TTC7B: variants seen among roughly 807,000 people sequenced by gnomAD.
The protein encoded by TTC7B is tetratricopeptide repeat protein 7B.
In TTC7B, 28 loss-of-function variants were observed where a neutral mutation model predicts 106.8. That is an observed-to-expected ratio of 0.26 (90% CI 0.19 to 0.36). The LOEUF is 0.36. Ranked by LOEUF, TTC7B falls within the 10% of genes least tolerant of loss-of-function variation. The pLI, the probability that TTC7B is intolerant of heterozygous loss-of-function variation, is 1.00. For synonymous variants in TTC7B, 405 were observed against 430.6 expected (o/e 0.94, Z 0.74); for missense variants, 862 against 1,076.4 (o/e 0.80, Z 2.79).
chr14:90,560,400 G>A (rs1409246287), intron 19 of TTC7B, among the ~76,000 whole-genome samples: 4 of 152,220 alleles, frequency 2.6e-5, no homozygotes, highest in Admixed American at 2.6e-4. Flanking sequence ...CACTAGAGCA[G>A]AGACAACACA....
intron 4 of TTC7B, among the ~76,000 whole-genome samples, chr14:90,737,847 G>C (rs1003340518): frequency 6.6e-6 from 1 of 152,154 alleles, no homozygotes; most frequent in Non-Finnish European, 1.5e-5. Flanking sequence ...GTGAGCCACT[G>C]CACCCAATGT....
chr14:90,808,237 G>C lies in TTC7B; in HGVS notation c.121+7938C>G, dbSNP rs193264173. 3.9e-5 allele frequency among the ~76,000 whole-genome samples: 6 copies of C among 152,314 alleles called. No individual in the cohort carries two copies. The highest frequency in any genetic ancestry group is 1.4e-4 in the African/African-American group (6 of 41,570). On this transcript the variant is annotated intron_variant, in intron 1 of 19. Transcript: ENST00000328459. The surrounding 1 kb of genome is among the most constrained non-coding windows in gnomAD (Gnocchi z 4.2). The stretch of plus-strand genomic sequence containing the variant: ...GAGGGAAGAAGATCACTTGAGCCCA[G>C]GAGTTCGAGACCAGAGTGGGCAACA...
At chr14:90,677,591 AGTCTGCAGATCCATCT>A (rs1886889660) in intron 8 of TTC7B, among the ~76,000 whole-genome samples, 1 of 152,200 alleles carries the variant, frequency 6.6e-6, no homozygotes, top group Non-Finnish European at 1.5e-5. Context: ...AATTAACAGA[AGTCTGCAGATCCATCT>A]GTCTGTAGGA....
At chr14:90,673,413 A>G (rs532683701) in intron 9 of TTC7B, among the ~76,000 whole-genome samples, 4 of 152,304 alleles carry the variant, frequency 2.6e-5, no homozygotes, top group African/African-American at 9.6e-5. Context: ...TATGGGCGGA[A>G]AGGAAAACAA....
intron 5 of TTC7B, among the ~76,000 whole-genome samples, chr14:90,702,596 G>T (rs1888038205): frequency 6.6e-6 from 1 of 151,898 alleles, no homozygotes. Flanking sequence ...ATGAAAATCT[G>T]CTTTACTTCT....
intron 5 of TTC7B, among the ~76,000 whole-genome samples, chr14:90,709,231 G>A (rs1888334613): frequency 1.3e-5 from 2 of 150,716 alleles, no homozygotes; most frequent in African/African-American, 4.9e-5. Flanking sequence ...AAAGACACAT[G>A]CACACGTATG....
intron 18 of TTC7B, among the ~76,000 whole-genome samples, chr14:90,591,635 GT>G (rs1204613645): frequency 2.6e-5 from 4 of 152,214 alleles, no homozygotes; most frequent in Admixed American, 6.5e-5. Context: ...CCCTTCTAGT[GT>G]TTTAGACTCC....
At chr14:90,798,044 G>A (rs569806943) in intron 1 of TTC7B, among the ~76,000 whole-genome samples, 16 of 152,274 alleles carry the variant, frequency 1.1e-4, no homozygotes, top group South Asian at 2.1e-4. Flanking sequence ...CAGTGGAAAT[G>A]TTAATGCACG....
intron 15 of TTC7B, among the ~76,000 whole-genome samples, chr14:90,638,625 A>G (rs1337389530): frequency 6.6e-6 from 1 of 152,252 alleles, no homozygotes; most frequent in Non-Finnish European, 1.5e-5. Flanking sequence ...ATGGCTATGG[A>G]TTAGAAAACC....
intron 4 of TTC7B, among the ~76,000 whole-genome samples, chr14:90,736,771 T>C (rs1252961646): frequency 4.0e-5 from 6 of 150,668 alleles, no homozygotes; most frequent in Non-Finnish European, 7.4e-5. Context: ...TAGTCCCAGC[T>C]AACTGGGAGG....
chr14:90,596,911 G>A (rs1406957860), intron 17 of TTC7B, among the ~76,000 whole-genome samples: 1 of 152,132 alleles, frequency 6.6e-6, no homozygotes, highest in Non-Finnish European at 1.5e-5. Flanking sequence ...CTGGATGCAC[G>A]TGTGCTCTAC....
chr14:90,748,769 GTTA>G (rs931190904), intron 3 of TTC7B, among the ~76,000 whole-genome samples: 2 of 152,010 alleles, frequency 1.3e-5, no homozygotes, highest in Admixed American at 6.6e-5. Context: ...ACCCTATGTG[GTTA>G]TTATTTTTGT....
chr14:90,663,392 A>G lies in TTC7B; in HGVS notation c.1153-5005T>C, dbSNP rs1313867286. On this transcript the variant is annotated intron_variant, in intron 9 of 19. Coordinates refer to ENST00000328459, the MANE Select transcript of TTC7B (RefSeq NM_001010854.2). This position sits in a 1 kb window ranked among gnomAD's most constrained non-coding sequence, Gnocchi z 4.5. The stretch of plus-strand genomic sequence containing the variant: ...TGCAGAAAGCAAAGGACAACTAAAT[A>G]AAAGGCCCCTAAAAAGGCCACATGC... 2.6e-5 allele frequency among the ~76,000 whole-genome samples: 4 copies of G among 152,220 alleles called. No homozygotes were observed. Among genetic ancestry groups the G allele is most frequent in the Admixed American group, 6.5e-5 (1 of 15,276 alleles).
intron 9 of TTC7B, among the ~76,000 whole-genome samples, chr14:90,671,903 C>A (rs1345238936): frequency 6.6e-6 from 1 of 152,224 alleles, no homozygotes; most frequent in Admixed American, 6.5e-5. Flanking sequence ...GAAAGGCCAG[C>A]TTCCTTGAGA....
Position 90,575,589 on chromosome 14 carries a change from AG to A in TTC7B, c.2310+2516del, listed in dbSNP as rs1178023583. 6.6e-6 allele frequency among the ~76,000 whole-genome samples: 1 copy of A among 152,036 alleles called. No individual in the cohort carries two copies. The highest frequency in any genetic ancestry group is 2.4e-5 in the African/African-American group (1 of 41,398). ...CAGAGGGTCCTGCAGCACCAGTGGG[AG>A]GGGGGCCTGCCCTTGGCTGCATGGG... On this transcript the variant is annotated intron_variant, in intron 19 of 19. Coordinates refer to ENST00000328459, the MANE Select transcript of TTC7B (RefSeq NM_001010854.2). The surrounding 1 kb of genome is among the most constrained non-coding windows in gnomAD (Gnocchi z 5.2).
chr14:90,576,542 A>G (rs1267316388), intron 19 of TTC7B, among the ~76,000 whole-genome samples: 1 of 152,232 alleles, frequency 6.6e-6, no homozygotes, highest in African/African-American at 2.4e-5. Context: ...AGGTGCCAGG[A>G]ACTCTGCTAA....
intron 1 of TTC7B, among the ~76,000 whole-genome samples, chr14:90,803,812 AC>A (rs1651299508): frequency 6.6e-5 from 1 of 15,228 alleles, no homozygotes; most frequent in Non-Finnish European, 1.9e-4. Context: ...TACGCTGGTC[AC>A]ACACACACAC....
intron 12 of TTC7B, 120 bp from the exon 13 acceptor site, chr14:90,653,018 C>T (rs1049982359): frequency 9.7e-6 from 10 of 1,028,640 alleles, no homozygotes; most frequent in Admixed American, 5.3e-5. Context: ...TGAGTGCCTA[C>T]GTGCCCAGTC....
At chr14:90,713,849 A>G (rs929778545) in intron 5 of TTC7B, among the ~76,000 whole-genome samples, 1 of 152,238 alleles carries the variant, frequency 6.6e-6, no homozygotes, top group African/African-American at 2.4e-5. Flanking sequence ...TGTAATAATA[A>G]TGACAGCTCC....
Sources: gnomAD v4.1 joint callset for allele counts (sites outside exome capture counted in the v4.1 genomes callset) on GRCh38, gnomAD v4.1.1 for gene constraint, Gnocchi (gnomAD v3.1) non-coding constraint, MANE v1.5 for transcripts, NCBI Gene and HGNC (gene_info 2026-07-23, HGNC 2026-07-21) for gene names.